Variants in SCGN observed in about 807,000 individuals in gnomAD.
SCGN encodes secretagogin.
In SCGN, 30 loss-of-function variants were observed where a neutral mutation model predicts 39.7. That is an observed-to-expected ratio of 0.76 (90% CI 0.57 to 1.03). The LOEUF (loss-of-function observed/expected upper bound fraction) is 1.03, where lower values mean the gene tolerates loss of function less well. Among genes scored for constraint, SCGN ranks in the 50% least tolerant of loss-of-function variants. The pLI, the probability that SCGN is intolerant of heterozygous loss-of-function variation, is 0.00. For missense variants in SCGN, 353 were observed against 349.4 expected (o/e 1.01, Z -0.08); for synonymous variants, 106 against 114.1 (o/e 0.93, Z 0.45).
intron 3 of SCGN, 102 bp downstream of exon 3, chr6:25,661,746 A>G: frequency 1.3e-6 from 1 of 771,660 alleles, no homozygotes; most frequent in South Asian, 2.0e-5. Context: ...GACAATGGAA[A>G]CTTTACATTT....
At chr6:25,696,183 CA>C (rs1017478012) in intron 10 of SCGN, among the ~76,000 whole-genome samples, 5 of 152,080 alleles carry the variant, frequency 3.3e-5, no homozygotes, top group African/African-American at 1.2e-4. Flanking sequence ...TAGCCCTTAG[CA>C]AAAATGTCTC....
In SCGN at chr6:25,691,059, A is replaced by G; in HGVS notation, c.637A>G (p.Lys213Glu). 6.2e-7 allele frequency: 1 copy of G among 1,613,026 alleles called. No homozygotes were observed. Among genetic ancestry groups the G allele is most frequent in the South Asian group, 1.1e-5 (1 of 90,876 alleles). The part of the protein sequence containing the change: ...EKIFAYYDVS[K>E]TGALEGPEVD... ...AATTGGATCTTTTCTTTTTCAGAGT[A>G]AAACAGGAGCCCTGGAAGGCCCAGA... Residue 213 changes from lysine to glutamate, a missense_variant, in exon 10 of 11, where the codon AAA becomes GAA. Physicochemically the swap from Lys to Glu is moderately conservative, Grantham distance 56. Transcript: ENST00000377961.
chr6:25,655,978 C>T (rs1007177268), intron 2 of SCGN, among the ~76,000 whole-genome samples: 5 of 152,170 alleles, frequency 3.3e-5, no homozygotes, highest in African/African-American at 7.2e-5. Context: ...CCTTTCAAAA[C>T]GCTGAGGCAT....
rs189178619 is a variant in SCGN at position 25,689,968 on chromosome 6, T to C, written c.633+436T>C. Among the ~76,000 whole-genome samples the C allele has an allele frequency of 6.6e-5, 10 of 152,276 alleles. No individual in the cohort carries two copies. In the East Asian group the frequency reaches 1.9e-3, roughly 29 times the overall value. On this transcript the variant is annotated intron_variant, in intron 9 of 10. Transcript: ENST00000377961. The stretch of plus-strand genomic sequence containing the variant: ...AAGGGGAGAATATAAAAATTATAAG[T>C]ACAAAGTATGGCAAAGAGATTGAAT...
At chr6:25,663,123 G>T (rs73733725) in intron 3 of SCGN, among the ~76,000 whole-genome samples, 4 of 152,246 alleles carry the variant, frequency 2.6e-5, no homozygotes, top group African/African-American at 2.4e-5. Flanking sequence ...TTCCCAAGGC[G>T]CCTTAAAACG....
chr6:25,673,058 C>T (rs1329565993), intron 6 of SCGN, among the ~76,000 whole-genome samples: 1 of 152,116 alleles, frequency 6.6e-6, no homozygotes, highest in Non-Finnish European at 1.5e-5. Context: ...CTACTTAATG[C>T]AAGTTAAACT....
At chr6:25,674,017 A>C (rs2151379703) in intron 6 of SCGN, among the ~76,000 whole-genome samples, 1 of 152,304 alleles carries the variant, frequency 6.6e-6, no homozygotes, top group South Asian at 2.1e-4. Flanking sequence ...ACTTTTAAAC[A>C]ACCAGATGTT....
intron 6 of SCGN, among the ~76,000 whole-genome samples, chr6:25,674,074 C>T (rs1759534942): frequency 7.2e-5 from 11 of 152,276 alleles, no homozygotes; most frequent in Admixed American, 6.5e-4. Context: ...GGGGATGGTG[C>T]TAAACCATTC....
rs764321544 is a variant in SCGN at position 25,701,207 on chromosome 6, C to G, written c.703C>G (p.Pro235Ala). 3.1e-6 allele frequency: 5 copies of G among 1,609,852 alleles called. No homozygotes were observed. The East Asian group carries it at 1.1e-4, about 36-fold the overall frequency. The change falls in exon 11 of 11, where the codon CCC becomes GCC. Residue 235 changes from proline to alanine, a missense_variant and splice_region_variant. Physicochemically the swap from Pro to Ala is conservative, Grantham distance 27. Coordinates refer to ENST00000377961, the MANE Select transcript of SCGN (RefSeq NM_006998.4). The stretch of plus-strand genomic sequence containing the variant: ...AACATGTTACTTTTGTCGCCCTCAG[C>G]CCAGCATCAGCGGGGTGGACCTTGA... ...FVKDMMELVQ[P>A]SISGVDLDKF...
At chr6:25,699,223 T>G (rs1372050764) in intron 10 of SCGN, among the ~76,000 whole-genome samples, 2 of 152,192 alleles carry the variant, frequency 1.3e-5, no homozygotes, top group African/African-American at 2.4e-5. Flanking sequence ...GTACATTGAC[T>G]TTTAAATTTA....
chr6:25,691,306 T>C (rs1436445798), intron 10 of SCGN, among the ~76,000 whole-genome samples, 182 bp downstream of exon 10: 1 of 152,240 alleles, frequency 6.6e-6, no homozygotes, highest in East Asian at 1.9e-4. Flanking sequence ...CTTAAGATTG[T>C]AGTTTAAATT....
chr6:25,689,738 A>T (rs1188437848), intron 9 of SCGN, among the ~76,000 whole-genome samples: 1 of 152,152 alleles, frequency 6.6e-6, no homozygotes, highest in Non-Finnish European at 1.5e-5. Context: ...ATGGTTGAGA[A>T]GAGAAAAAAA....
rs547341238 is a variant in SCGN, at chr6:25,655,779, T to C, written c.153+2327T>C. Among the ~76,000 whole-genome samples the C allele has an allele frequency of 5.3e-5, 8 of 152,296 alleles. No homozygotes were observed. In the East Asian group the frequency reaches 1.5e-3, roughly 29 times the overall value. ...CACTCAAAGTCAGTTAGCATGTTTT[T>C]TTACCCTTTTTTCCTCTAGGAACAG... On this transcript the variant is annotated intron_variant, in intron 2 of 10. Coordinates refer to ENST00000377961, the MANE Select transcript of SCGN (RefSeq NM_006998.4).
At chr6:25,669,301 C>A (rs1213030762) in intron 4 of SCGN, among the ~76,000 whole-genome samples, 1 of 152,086 alleles carries the variant, frequency 6.6e-6, no homozygotes, top group Admixed American at 6.5e-5. Context: ...CATTGTGGCC[C>A]TCCTTAAGTG....
intron 2 of SCGN, among the ~76,000 whole-genome samples, chr6:25,654,711 G>C (rs1450615497): frequency 6.6e-6 from 1 of 150,556 alleles, no homozygotes; most frequent in Admixed American, 6.6e-5. Flanking sequence ...CTCTCTTTTT[G>C]ACCTTCATTT....
At chr6:25,697,095 T>A (rs531514616) in intron 10 of SCGN, among the ~76,000 whole-genome samples, 81 of 152,294 alleles carry the variant, frequency 5.3e-4, no homozygotes, top group African/African-American at 1.9e-3. Flanking sequence ...CTTCCCAGTA[T>A]CTGAGCAGAC....
At chr6:25,665,084 G>A (rs780454151) in intron 4 of SCGN, 52 bp downstream of exon 4, 18 of 1,404,318 alleles carry the variant, frequency 1.3e-5, no homozygotes, top group East Asian at 9.1e-5. Context: ...ACAAGGCTAC[G>A]ATCTTAGCCA....
rs1194788151 is a variant in SCGN at position 25,657,332 on chromosome 6, C to CCAT, written c.153+3882_153+3884dup. Among the ~76,000 whole-genome samples, 5 of 152,174 alleles carry CCAT rather than the reference C, an allele frequency of 3.3e-5. No homozygotes were observed. The East Asian group carries it at 9.6e-4, about 29-fold the overall frequency. ...AATCCAATGCTCATTCCCTGTCTCTCCATCTAGAGCTGTGTGATAGCAACA... is the reference window on the plus strand; with the variant it reads ...AATCCAATGCTCATTCCCTGTCTCTCCATCATCTAGAGCTGTGTGATAGCAACA... On this transcript the variant is annotated intron_variant, in intron 2 of 10. Coordinates refer to ENST00000377961, the MANE Select transcript of SCGN (RefSeq NM_006998.4).
chr6:25,666,238 C>T (rs1760422905), intron 4 of SCGN, among the ~76,000 whole-genome samples: 1 of 151,294 alleles, frequency 6.6e-6, no homozygotes, highest in African/African-American at 2.4e-5. Context: ...CACCTGTAAT[C>T]CCAGCTACTC....
Sources: allele counts gnomAD v4.1 joint callset (sites outside exome capture counted in the v4.1 genomes callset), GRCh38; gene constraint gnomAD v4.1.1; transcripts MANE v1.5; gene names NCBI Gene and HGNC (gene_info 2026-07-23, HGNC 2026-07-21).